NSD1: variants seen among roughly 807,000 people sequenced by gnomAD.
The protein encoded by NSD1 is nuclear receptor binding SET domain protein 1.
Under a neutral mutation model 242.7 loss-of-function variants are expected in NSD1, and 26 were observed. The ratio of observed to expected loss-of-function variants is 0.11; its 90% CI spans 0.08 to 0.15. The LOEUF is 0.15. Among genes scored for constraint, NSD1 ranks in the 10% least tolerant of loss-of-function variants. NSD1 has a pLI of 1.00. For missense variants in NSD1, 2,495 were observed against 3,272.8 expected (o/e 0.76, Z 5.80); for synonymous variants, 1,106 against 1,178.1 (o/e 0.94, Z 1.25).
intron 5 of NSD1, among the ~76,000 whole-genome samples, chr5:177,221,797 TTTG>T (rs1483890475): frequency 6.6e-6 from 1 of 151,106 alleles, no homozygotes; most frequent in Admixed American, 6.6e-5. Flanking sequence ...CCTTCCCCAC[TTTG>T]TTGTTGTTTT....
At chr5:177,146,421 G>T (rs890407206) in intron 2 of NSD1, among the ~76,000 whole-genome samples, 3 of 151,682 alleles carry the variant, frequency 2.0e-5, no homozygotes, top group Non-Finnish European at 2.9e-5. Flanking sequence ...ATCCAGGGTG[G>T]TCTCAATCTC....
chr5:177,142,074 T>TA (rs1191678697), intron 2 of NSD1, among the ~76,000 whole-genome samples: 5 of 152,356 alleles, frequency 3.3e-5, no homozygotes, highest in Admixed American at 6.5e-5. Context: ...CCTCAAGTGA[T>TA]ACGCCTGCCT....
At chr5:177,193,302 G>A (rs1761846414) in intron 3 of NSD1, among the ~76,000 whole-genome samples, 1 of 152,000 alleles carries the variant, frequency 6.6e-6, no homozygotes, top group South Asian at 2.1e-4. Flanking sequence ...CACCATGCCT[G>A]GCTAATTTTT....
chr5:177,162,373 C>T (rs907711174), intron 2 of NSD1, among the ~76,000 whole-genome samples: 1 of 149,806 alleles, frequency 6.7e-6, no homozygotes, highest in African/African-American at 2.5e-5. Context: ...TTAAAATTAA[C>T]CAGGCTGGAA....
rs546838129 is a variant in NSD1 at position 177,183,553 on chromosome 5, T to C, written c.928-8331T>C. On this transcript the variant is annotated intron_variant, in intron 2 of 22. Coordinates refer to ENST00000439151, the MANE Select transcript of NSD1 (RefSeq NM_022455.5). ...TACATGAGATATTTTGGTACAGACATGCAATATGTAATAATTACATTAGGG... is the reference window on the plus strand; with the variant it reads ...TACATGAGATATTTTGGTACAGACACGCAATATGTAATAATTACATTAGGG... Among the ~76,000 whole-genome samples the C allele has an allele frequency of 2.0e-5, 3 of 152,326 alleles. No homozygotes were observed. In the South Asian group the frequency reaches 6.2e-4, roughly 32 times the overall value.
chr5:177,229,051 T>A (rs972753210), intron 5 of NSD1, among the ~76,000 whole-genome samples: 2 of 152,186 alleles, frequency 1.3e-5, no homozygotes, highest in African/African-American at 4.8e-5. Flanking sequence ...TTTTGTGTCT[T>A]GTTCTTCTCA....
At chr5:177,182,612 C>T (rs1375891270) in intron 2 of NSD1, among the ~76,000 whole-genome samples, 1 of 151,770 alleles carries the variant, frequency 6.6e-6, no homozygotes, top group African/African-American at 2.4e-5. Context: ...CCCTTCCCCT[C>T]CCCTCCCCGC....
intron 17 of NSD1, among the ~76,000 whole-genome samples, chr5:177,275,435 CTTTTTTTTTTTTTTTT>C (rs749631943): frequency 6.0e-5 from 3 of 50,146 alleles, no homozygotes; most frequent in African/African-American, 8.8e-5. Flanking sequence ...CTTCCCTTGT[CTTTTTTTTTTTTTTTT>C]TTTTTTTTTT....
intron 2 of NSD1, among the ~76,000 whole-genome samples, chr5:177,178,272 G>A (rs12658510): frequency 0.14 from 21,664 of 152,000 alleles, 2,028 homozygotes; most frequent in East Asian, 0.51. Flanking sequence ...TGTTGCCTAG[G>A]CTGGAGTGCA....
In NSD1 at chr5:177,181,878, C is replaced by T. The variant is rs185486835; in HGVS notation, c.928-10006C>T. On this transcript the variant is annotated intron_variant, in intron 2 of 22. Coordinates refer to ENST00000439151, the MANE Select transcript of NSD1 (RefSeq NM_022455.5). ...ATAAAAATTTAAAAAATTAGCCAGG[C>T]GCAGTGGCTCACGCCTGTAATCCCA... 2.2e-3 allele frequency among the ~76,000 whole-genome samples: 331 copies of T among 150,420 alleles called. 2 individuals are homozygous for T. The highest frequency in any genetic ancestry group is 7.1e-3 in the African/African-American group (290 of 40,952).
chr5:177,227,360 T>C (rs534929360), intron 5 of NSD1, among the ~76,000 whole-genome samples: 9 of 152,154 alleles, frequency 5.9e-5, no homozygotes, highest in Non-Finnish European at 1.2e-4. Context: ...CAATAAAATA[T>C]AAGTTGATAA....
chr5:177,267,313 T>C (rs1372479088), intron 14 of NSD1, among the ~76,000 whole-genome samples: 1 of 152,228 alleles, frequency 6.6e-6, no homozygotes. Context: ...GAGGAAATTA[T>C]AGCTCAGCAA....
intron 16 of NSD1, 74 bp from the exon 17 acceptor site, chr5:177,273,598 A>G: frequency 8.3e-7 from 1 of 1,201,804 alleles, no homozygotes; most frequent in Non-Finnish European, 1.2e-6. Context: ...AAGGGGAAAA[A>G]GTAAAAAATA....
Position 177,185,795 on chromosome 5 carries a change from A to ATATATATATT in NSD1, c.928-6080_928-6079insTTATATATAT, listed in dbSNP as rs1554184213. On this transcript the variant is annotated intron_variant, in intron 2 of 22. Transcript: ENST00000439151. The stretch of plus-strand genomic sequence containing the variant: ...TATATATTATATATGTATATTATAT[A>ATATATATATT]TATATATATATAAATTTATATATAT... 8.0e-3 allele frequency among the ~76,000 whole-genome samples: 706 copies of ATATATATATT among 88,350 alleles called. 12 individuals carry two copies. Among genetic ancestry groups the ATATATATATT allele is most frequent in the African/African-American group, 0.028 (567 of 20,426 alleles). The allele number at this position is 88,350 out of a possible 152,430, so 58.0% of individuals were successfully genotyped here. A position where few individuals can be genotyped will look rare whatever the true frequency, so the allele number is the denominator to read the frequency against.
intron 14 of NSD1, chr5:177,264,681 A>G (rs1757274258): frequency 1.9e-6 from 1 of 519,982 alleles, no homozygotes; most frequent in Admixed American, 2.8e-5. Context: ...TAAAACTCCC[A>G]CTCTTATTTT....
chr5:177,142,289 C>T (rs1440105117), intron 2 of NSD1, among the ~76,000 whole-genome samples: 3 of 152,048 alleles, frequency 2.0e-5, no homozygotes, highest in Non-Finnish European at 4.4e-5. Context: ...TTGAGCCAGG[C>T]ACTGCCAGTA....
chr5:177,243,166 A>G lies in NSD1; in HGVS notation c.4303-1029A>G, dbSNP rs1456918605. On this transcript the variant is annotated intron_variant, in intron 8 of 22. Transcript: ENST00000439151. ...TAATAGCTGTGAATACAATTGTAGG[A>G]AGATGGGTTATTTTTCTTTCTTTCT... Among the ~76,000 whole-genome samples the G allele has an allele frequency of 3.9e-5, 6 of 152,174 alleles. No homozygotes were observed. The East Asian group carries it at 1.2e-3, about 29-fold the overall frequency.
At chr5:177,233,410 C>T (rs1765207785) in intron 5 of NSD1, among the ~76,000 whole-genome samples, 1 of 151,914 alleles carries the variant, frequency 6.6e-6, no homozygotes, top group Non-Finnish European at 1.5e-5. Context: ...GCTCTGTCAC[C>T]CAGCCTGGAG....
rs1245086158 is a variant in NSD1, at chr5:177,299,412, G to C, written c.*3953G>C. ...GGAAGAGATCCTATATCCAGGTGAA[G>C]GTGGCCATTGAGTTTCTCAGGGCTG... On this transcript the variant is annotated 3_prime_UTR_variant, in exon 23 of 23. Coordinates refer to ENST00000439151, the MANE Select transcript of NSD1 (RefSeq NM_022455.5). 4.3e-6 allele frequency: 1 copy of C among 233,144 alleles called. No individual in the cohort carries two copies. The highest frequency in any genetic ancestry group is 8.5e-6 in the Non-Finnish European group (1 of 118,040). The allele number at this position is 233,144 out of a possible 1,614,324, so 14.4% of individuals were successfully genotyped here. A position where few individuals can be genotyped will look rare whatever the true frequency, so the allele number is the denominator to read the frequency against.
Sources: allele counts gnomAD v4.1 joint callset (sites outside exome capture counted in the v4.1 genomes callset), GRCh38; gene constraint gnomAD v4.1.1; transcripts MANE v1.5; gene names NCBI Gene and HGNC (gene_info 2026-07-23, HGNC 2026-07-21).